Variants in CFAP299 observed in about 807,000 individuals in gnomAD.
CFAP299 encodes cilia and flagella associated protein 299, also known as cilia- and flagella-associated protein 299.
A neutral mutation model predicts 27.0 loss-of-function variants in CFAP299; 21 were observed. The ratio of observed to expected loss-of-function variants is 0.78; its 90% CI spans 0.55 to 1.12. CFAP299 has a LOEUF of 1.12. CFAP299 is among the 50% of genes most tolerant of loss of function. The pLI is 0.00. For missense variants in CFAP299, 310 were observed against 276.6 expected (o/e 1.12, Z -0.86); for synonymous variants, 104 against 98.1 (o/e 1.06, Z -0.36).
intron 3 of CFAP299, among the ~76,000 whole-genome samples, chr4:80,593,071 G>T (rs1736864838): frequency 6.6e-6 from 1 of 152,100 alleles, no homozygotes; most frequent in South Asian, 2.1e-4. Context: ...CCACTATTTT[G>T]TCTGGGAGAA....
At chr4:80,539,766 C>G (rs1733913241) in intron 2 of CFAP299, among the ~76,000 whole-genome samples, 1 of 152,114 alleles carries the variant, frequency 6.6e-6, no homozygotes, top group Non-Finnish European at 1.5e-5. Context: ...TCTAAGAAAA[C>G]ACATTTTGAA....
intron 2 of CFAP299, among the ~76,000 whole-genome samples, chr4:80,486,621 G>A (rs1730832244): frequency 6.6e-6 from 1 of 152,194 alleles, no homozygotes; most frequent in African/African-American, 2.4e-5. Context: ...CACCCCGTTA[G>A]GGTTCTTGTG....
intron 3 of CFAP299, among the ~76,000 whole-genome samples, chr4:80,715,327 G>A (rs561944060): frequency 6.6e-6 from 1 of 152,100 alleles, no homozygotes; most frequent in Admixed American, 6.6e-5. Context: ...TAAGAGAGGG[G>A]GAAAAAGGAC....
chr4:80,953,417 C>G (rs1459688931), intron 5 of CFAP299, among the ~76,000 whole-genome samples: 1 of 152,130 alleles, frequency 6.6e-6, no homozygotes, highest in African/African-American at 2.4e-5. Context: ...AACATTTTCT[C>G]CTCTGGGTAA....
intron 5 of CFAP299, among the ~76,000 whole-genome samples, chr4:80,953,361 T>G (rs1233066332): frequency 1.3e-5 from 2 of 152,182 alleles, no homozygotes; most frequent in Non-Finnish European, 2.9e-5. Context: ...TACTGAATGT[T>G]TGGTTGATTA....
chr4:80,557,514 C>T (rs1407570375), intron 2 of CFAP299, among the ~76,000 whole-genome samples: 6 of 152,050 alleles, frequency 3.9e-5, no homozygotes, highest in Admixed American at 1.3e-4. Flanking sequence ...CAAATTAAAA[C>T]GCTGTGATTT....
intron 1 of CFAP299, among the ~76,000 whole-genome samples, chr4:80,346,464 A>C (rs1722730964): frequency 6.6e-6 from 1 of 152,180 alleles, no homozygotes; most frequent in African/African-American, 2.4e-5. Context: ...AGGTGTAAGG[A>C]AGGGATCCAG....
intron 2 of CFAP299, among the ~76,000 whole-genome samples, chr4:80,567,061 C>T (rs1735337070): frequency 6.6e-6 from 1 of 151,818 alleles, no homozygotes; most frequent in African/African-American, 2.4e-5. Context: ...AAAGTAAAGT[C>T]TGACTGATGT....
chr4:80,782,653 T>C (rs1245904019), intron 3 of CFAP299, among the ~76,000 whole-genome samples: 1 of 125,622 alleles, frequency 8.0e-6, no homozygotes, highest in South Asian at 2.2e-4. Context: ...TATATGAATA[T>C]ATAATATATT....
intron 3 of CFAP299, among the ~76,000 whole-genome samples, chr4:80,868,897 T>TTCTC (rs71664822): frequency 0.045 from 6,316 of 140,810 alleles, 174 homozygotes; most frequent in Middle Eastern, 0.099. Flanking sequence ...GGGTGGGGGC[T>TTCTC]TCTCTCTCTG....
the CFAP299 span, among the ~76,000 whole-genome samples, chr4:80,328,563 T>C: frequency 6.6e-6 from 1 of 151,222 alleles, no homozygotes; most frequent in Non-Finnish European, 1.5e-5. Flanking sequence ...AGAAGGAAGA[T>C]GACAATTTTG....
intron 4 of CFAP299, among the ~76,000 whole-genome samples, chr4:80,921,488 T>G (rs1291440748): frequency 6.6e-6 from 1 of 151,876 alleles, no homozygotes; most frequent in Non-Finnish European, 1.5e-5. Context: ...GAGGAGAGCA[T>G]GAACAAGGGC....
rs536753673 is a variant in CFAP299 at position 80,669,081 on chromosome 4, G to GTAAA, written c.333+85903_333+85906dup. 5.7e-4 allele frequency among the ~76,000 whole-genome samples: 74 copies of GTAAA among 130,536 alleles called. 1 individual carries two copies. The highest frequency in any genetic ancestry group is 1.9e-3 in the African/African-American group (68 of 35,848). The allele number at this position is 130,536 out of a possible 152,430, so 85.6% of individuals were successfully genotyped here. On this transcript the variant is annotated intron_variant, in intron 3 of 5. Coordinates refer to ENST00000358105, the MANE Select transcript of CFAP299 (RefSeq NM_152770.3). Reference sequence around the variant, plus strand: ...GTATTTTATATTCTTTGTAGCTCTTGTAAATAAAATTACTTAATTTCTTTT... The same window carrying GTAAA: ...GTATTTTATATTCTTTGTAGCTCTTGTAAATAAATAAAATTACTTAATTTCTTTT...
At chr4:80,778,431 A>G (rs1478769776) in intron 3 of CFAP299, among the ~76,000 whole-genome samples, 3 of 152,184 alleles carry the variant, frequency 2.0e-5, no homozygotes, top group African/African-American at 4.8e-5. Flanking sequence ...GTTATTGTGC[A>G]GTGAACAAAT....
intron 3 of CFAP299, among the ~76,000 whole-genome samples, chr4:80,868,947 G>C (rs189658035): frequency 6.7e-6 from 1 of 148,590 alleles, no homozygotes; most frequent in African/African-American, 2.5e-5. Context: ...GTGTGTGTGT[G>C]TCCCAATATG....
intron 4 of CFAP299, among the ~76,000 whole-genome samples, chr4:80,874,164 T>A (rs1269938348): frequency 1.3e-5 from 2 of 152,210 alleles, no homozygotes; most frequent in African/African-American, 4.8e-5. Context: ...ATTAAAATAT[T>A]GCCTATTTTT....
intron 3 of CFAP299, among the ~76,000 whole-genome samples, chr4:80,708,949 T>A (rs957184422): frequency 6.6e-6 from 1 of 152,138 alleles, no homozygotes; most frequent in African/African-American, 2.4e-5. Flanking sequence ...GTTTAGTTTG[T>A]CATCTAATCT....
chr4:80,923,569 C>CTAT (rs1489353859), intron 4 of CFAP299, among the ~76,000 whole-genome samples: 1 of 152,024 alleles, frequency 6.6e-6, no homozygotes, highest in Non-Finnish European at 1.5e-5. Context: ...ACTCTACATC[C>CTAT]TATTATATTA....
chr4:80,508,312 A>G (rs1404485934), intron 2 of CFAP299, among the ~76,000 whole-genome samples: 25 of 152,224 alleles, frequency 1.6e-4, no homozygotes, highest in Admixed American at 1.6e-3. Context: ...ATTATTTTCT[A>G]TAATGTGGTG....
Sources: gnomAD v4.1 joint callset for allele counts (sites outside exome capture counted in the v4.1 genomes callset) on GRCh38, gnomAD v4.1.1 for gene constraint, MANE v1.5 for transcripts, NCBI Gene and HGNC (gene_info 2026-07-23, HGNC 2026-07-21) for gene names.